Variants in IDH1 observed in about 807,000 individuals in gnomAD.
IDH1 encodes the protein isocitrate dehydrogenase [NADP] cytoplasmic.
A neutral mutation model predicts 46.1 loss-of-function variants in IDH1; 33 were observed. That is an observed-to-expected ratio of 0.72 (90% CI 0.54 to 0.96). The LOEUF (loss-of-function observed/expected upper bound fraction) is 0.96. Among genes scored for constraint, IDH1 ranks in the 40% least tolerant of loss-of-function variants. The pLI is 0.00. For missense variants in IDH1, 421 were observed against 515.7 expected (o/e 0.82, Z 1.78); for synonymous variants, 144 against 172.8 (o/e 0.83, Z 1.31).
intron 2 of IDH1, among the ~76,000 whole-genome samples, chr2:208,252,986 A>C (rs1340051157): frequency 6.6e-6 from 1 of 152,250 alleles, no homozygotes; most frequent in African/African-American, 2.4e-5. Flanking sequence ...GATTCAGTTC[A>C]TGTTTGATTC....
At position 208,239,128 on chromosome 2, in the gene IDH1, G is replaced by A; in HGVS notation, c.1097C>T (p.Thr366Ile). The change falls in exon 9 of 10, where the codon ACA (threonine) becomes ATA (isoleucine). Residue 366 changes from threonine to isoleucine, a missense_variant. Physicochemically the swap from Thr to Ile is moderately conservative, Grantham distance 89 (BLOSUM62 -1). Coordinates refer to ENST00000345146, the MANE Select transcript of IDH1 (RefSeq NM_005896.4). ...ANALEEVSIETIEAGFMTKDL... is the reference protein window; with the variant it reads ...ANALEEVSIEIIEAGFMTKDL... Reference sequence around the variant, plus strand: ...CTTGGTCATGAAGCCAGCCTCAATTGTCTCAATAGAGACTTCTTCCAAAGC... The same window carrying A: ...CTTGGTCATGAAGCCAGCCTCAATTATCTCAATAGAGACTTCTTCCAAAGC... The A allele has an allele frequency of 6.2e-7, 1 of 1,613,960 alleles. No homozygotes were observed. The highest frequency in any genetic ancestry group is 8.5e-7 in the Non-Finnish European group (1 of 1,179,894).
intron 3 of IDH1, 177 bp downstream of exon 3, chr2:208,251,252 TC>T (rs1294325650): frequency 1.9e-4 from 100 of 518,308 alleles, no homozygotes; most frequent in African/African-American, 1.8e-3. Flanking sequence ...CCCTTTTTTT[TC>T]CTTTTTTTTT....
chr2:208,238,924 T>C, intron 9 of IDH1, 147 bp downstream of exon 9: 1 of 750,474 alleles, frequency 1.3e-6, no homozygotes, highest in Non-Finnish European at 2.3e-6. Context: ...CCTAAAATGT[T>C]CACTATCTGA....
In IDH1 at chr2:208,237,026, C is replaced by G. The variant is rs1687823098; in HGVS notation, c.*53G>C. 5 of 965,878 alleles carry G rather than the reference C, an allele frequency of 5.2e-6. No individual in the cohort carries two copies. Among genetic ancestry groups the G allele is most frequent in the Non-Finnish European group, 6.6e-6 (4 of 606,580 alleles). The allele number at this position is 965,878 out of a possible 1,614,324, so 59.8% of individuals were successfully genotyped here. On this transcript the variant is annotated 3_prime_UTR_variant, in exon 10 of 10. Transcript: ENST00000345146. ...TGAGTGTAACACAGAAAAATGTAAA[C>G]CTGTAGACCTAGTTACCAAAAGACA...
In IDH1 at chr2:208,239,949, G is replaced by A. The variant is rs1222364475; in HGVS notation, c.905C>T (p.Thr302Ile). 6.2e-7 allele frequency: 1 copy of A among 1,613,998 alleles called. No homozygotes were observed. The highest frequency in any genetic ancestry group is 1.7e-5 in the Admixed American group (1 of 60,008). The change falls in exon 8 of 10, where the codon ACA becomes ATA. Residue 302 changes from threonine to isoleucine, a missense_variant. Physicochemically the swap from Thr to Ile is moderately conservative, Grantham distance 89 (BLOSUM62 -1). Transcript: ENST00000345146. The stretch of plus-strand genomic sequence containing the variant: ...CCCGTGGGCAGCCTCTGCTTCTACT[G>A]TCTTGCCATCTGGACAAACCAGCAC... ...TSVLVCPDGK[T>I]VEAEAAHGTV...
Position 208,243,710 on chromosome 2 carries a change from C to T in IDH1, c.521-106G>A, listed in dbSNP as rs576011003. The T allele has an allele frequency of 1.3e-5, 11 of 866,720 alleles. No individual in the cohort carries two copies. The African/African-American group carries it at 1.3e-4, about 10-fold the overall frequency. 53.7% of individuals were successfully genotyped at this position (866,720 alleles called of 1,614,324 possible). A position where few individuals can be genotyped will look rare whatever the true frequency, so the allele number is the denominator to read the frequency against. ...CACAACCAAATGACCTACTTCTCAG[C>T]TCTCACATCTGAGACTAGATTTCAG... On this transcript the variant is annotated intron_variant, in intron 5 of 9. Transcript: ENST00000345146.
chr2:208,242,241 G>GA lies in IDH1; in HGVS notation c.699-97dup. ...CCCAAACAGAAGACCGGACACACAA[G>GA]AAGCAGCATATTTTAGTAGAAGTAG... On this transcript the variant is annotated intron_variant, in intron 6 of 9. Transcript: ENST00000345146. 3.5e-6 allele frequency: 4 copies of GA among 1,138,894 alleles called. 1 individual carries two copies. The highest frequency in any genetic ancestry group is 3.9e-6 in the Non-Finnish European group (3 of 760,414). 70.5% of individuals were successfully genotyped at this position (1,138,894 alleles called of 1,614,324 possible).
chr2:208,249,253 G>A (rs971923797), intron 3 of IDH1, among the ~76,000 whole-genome samples: 2 of 150,132 alleles, frequency 1.3e-5, no homozygotes, highest in African/African-American at 4.9e-5. Context: ...GCAGTGGCAC[G>A]ATCTTGGCTC....
chr2:208,248,059 A>C (rs1688055112), intron 4 of IDH1: 2 of 400,894 alleles, frequency 5.0e-6, no homozygotes, highest in South Asian at 2.4e-5. Flanking sequence ...GATCTGGTTG[A>C]ACCATATGAA....
chr2:208,254,373 G>C (rs1334459107), intron 1 of IDH1: 5 of 152,282 alleles, frequency 3.3e-5, no homozygotes, highest in Non-Finnish European at 7.3e-5. Flanking sequence ...GGAACTGGCG[G>C]GGGTGTTTCC....
In IDH1 at chr2:208,255,037, T is replaced by C. The variant is rs1035958496; in HGVS notation, c.-189A>G. On this transcript the variant is annotated 5_prime_UTR_variant, in exon 1 of 10. Transcript: ENST00000345146. ...TGGCAATCCCAAACCGGACTCCCAGTGCCTCCGCTTCTGAAGTAGACTCTG... is the reference window on the plus strand; with the variant it reads ...TGGCAATCCCAAACCGGACTCCCAGCGCCTCCGCTTCTGAAGTAGACTCTG... 5 of 152,336 alleles carry C rather than the reference T, an allele frequency of 3.3e-5. No individual in the cohort carries two copies. The highest frequency in any genetic ancestry group is 7.2e-5 in the African/African-American group (3 of 41,428). The allele number at this position is 152,336 out of a possible 1,614,324, so 9.4% of individuals were successfully genotyped here.
chr2:208,250,252 A>G (rs2124866311), intron 3 of IDH1, among the ~76,000 whole-genome samples: 1 of 151,808 alleles, frequency 6.6e-6, no homozygotes, highest in Admixed American at 6.6e-5. Context: ...GAACCCTGCC[A>G]GTTCACCTAC....
intron 7 of IDH1, 191 bp from the exon 8 acceptor site, chr2:208,240,194 C>G: frequency 1.6e-6 from 1 of 638,890 alleles, no homozygotes. Context: ...GCCAATGGGT[C>G]TGGAAAGGCT....
chr2:208,239,805 A>C lies in IDH1; in HGVS notation c.991+58T>G, dbSNP rs960746227. 3 of 1,569,960 alleles carry C rather than the reference A, an allele frequency of 1.9e-6. No individual in the cohort carries two copies. In the African/African-American group the frequency reaches 4.0e-5, roughly 21 times the overall value. On this transcript the variant is annotated intron_variant, in intron 8 of 9. Coordinates refer to ENST00000345146, the MANE Select transcript of IDH1 (RefSeq NM_005896.4). Reference sequence around the variant, plus strand: ...AAACACTGAGCAGCCAAGGGAACACATCTGGGCTGCTTTGGAGAGCACTCT... The same window carrying C: ...AAACACTGAGCAGCCAAGGGAACACCTCTGGGCTGCTTTGGAGAGCACTCT...
Position 208,248,519 on chromosome 2 carries a change from C to A in IDH1, c.264G>T (p.Leu88Phe), listed in dbSNP as rs758622511. The A allele has an allele frequency of 2.5e-6, 4 of 1,614,164 alleles. No homozygotes were observed. The South Asian group carries it at 4.4e-5, about 18-fold the overall frequency. ...CATTTGGTGATTTCCACATTTGTTT[C>A]AACTTGAACTCCTCAACCCTCTTCT... ...PDEKRVEEFK[L>F]KQMWKSPNGT... Residue 88 changes from leucine (L) to phenylalanine (F), a missense_variant, in exon 4 of 10, where the codon TTG becomes TTT. Leu to Phe is a conservative substitution (Grantham distance 22). Transcript: ENST00000345146.
chr2:208,252,593 A>G (rs1437410), intron 2 of IDH1, among the ~76,000 whole-genome samples: 56,909 of 152,130 alleles, frequency 0.37, 11,590 homozygotes, highest in Admixed American at 0.45. Context: ...ATCCAACAAC[A>G]CAGCTGCAAA....
At chr2:208,251,173 T>C (rs911889443) in intron 3 of IDH1, 3 of 354,534 alleles carry the variant, frequency 8.5e-6, no homozygotes, top group African/African-American at 2.1e-5. Flanking sequence ...GCTATATCTA[T>C]ATAAAAAAAG....
chr2:208,242,394 T>C (rs1199051150), intron 6 of IDH1, among the ~76,000 whole-genome samples: 1 of 152,208 alleles, frequency 6.6e-6, no homozygotes, highest in African/African-American at 2.4e-5. Context: ...GAGAATTAAG[T>C]GAGACAGTAG....
At chr2:208,243,372 G>A in intron 6 of IDH1, 55 bp downstream of exon 6, 1 of 1,290,988 alleles carries the variant, frequency 7.7e-7, no homozygotes, top group Non-Finnish European at 1.1e-6. Flanking sequence ...TACTCTATAT[G>A]CAAATGTCAG....
Sources: gnomAD v4.1 joint callset for allele counts (sites outside exome capture counted in the v4.1 genomes callset) on GRCh38, gnomAD v4.1.1 for gene constraint, MANE v1.5 for transcripts, NCBI Gene and HGNC (gene_info 2026-07-23, HGNC 2026-07-21) for gene names.